Variants in EBF1 observed in about 807,000 individuals in gnomAD.
The protein encoded by EBF1 is EBF transcription factor 1, also known as transcription factor COE1.
In EBF1, 10 loss-of-function variants were observed where a neutral mutation model predicts 68.4. The observed-to-expected ratio is 0.15, with a 90% confidence interval of 0.09 to 0.25. EBF1 has a LOEUF of 0.25. Ranked by LOEUF, EBF1 falls within the 10% of genes least tolerant of loss-of-function variation. The pLI, the probability that EBF1 is intolerant of heterozygous loss-of-function variation, is 1.00. For synonymous variants in EBF1, 298 were observed against 299.8 expected (o/e 0.99, Z 0.06); for missense variants, 509 against 794.4 (o/e 0.64, Z 4.32).
At chr5:159,052,211 A>G (rs1773877051) in intron 6 of EBF1, among the ~76,000 whole-genome samples, 1 of 152,104 alleles carries the variant, frequency 6.6e-6, no homozygotes, top group Admixed American at 6.6e-5. Context: ...ATTCCACCAA[A>G]AAAAAAAGAC....
chr5:158,895,202 T>A (rs756858910), intron 6 of EBF1, among the ~76,000 whole-genome samples: 3 of 152,120 alleles, frequency 2.0e-5, no homozygotes, highest in Non-Finnish European at 4.4e-5. Context: ...CCAGCACTAT[T>A]CATTGAGCAT....
intron 11 of EBF1, among the ~76,000 whole-genome samples, chr5:158,714,688 G>A (rs1176596934): frequency 6.6e-6 from 1 of 152,118 alleles, no homozygotes; most frequent in Admixed American, 6.5e-5. Flanking sequence ...CATAATATAA[G>A]AGGGTGATGT....
chr5:158,925,433 C>A (rs539991575), intron 6 of EBF1, among the ~76,000 whole-genome samples: 39 of 152,178 alleles, frequency 2.6e-4, no homozygotes, highest in Non-Finnish European at 4.3e-4. Context: ...TGGAAGATTT[C>A]CTGGCCTCCC....
chr5:158,831,698 C>T (rs890248780), intron 7 of EBF1, among the ~76,000 whole-genome samples: 54 of 152,102 alleles, frequency 3.6e-4, no homozygotes, highest in Admixed American at 1.9e-3. Context: ...AATGGGGTTT[C>T]GCCATGTTGG....
intron 6 of EBF1, among the ~76,000 whole-genome samples, chr5:158,841,702 C>T (rs1270403383): frequency 6.6e-6 from 1 of 152,180 alleles, no homozygotes; most frequent in Non-Finnish European, 1.5e-5. Flanking sequence ...CGAAGACATA[C>T]AGAGTTCAGC....
Position 158,714,164 on chromosome 5 carries a change from C to A in EBF1, c.1144G>T (p.Ala382Ser), listed in dbSNP as rs759953915. ...TACAGTGCTTCTACCAGATCCGCAGCCCTTTTGAGTATTACTTCCTGTCAA... is the reference window on the plus strand; with the variant it reads ...TACAGTGCTTCTACCAGATCCGCAGACCTTTTGAGTATTACTTCCTGTCAA... Reference protein sequence around the residue: ...RLPKEVILKRAADLVEALYGM... With the variant: ...RLPKEVILKRSADLVEALYGM... Residue 382 changes from alanine to serine, a missense_variant, in exon 12 of 16, where the codon GCT (alanine) becomes TCT (serine). Physicochemically the swap from Ala to Ser is moderately conservative, Grantham distance 99. Coordinates refer to ENST00000313708, the MANE Select transcript of EBF1 (RefSeq NM_024007.5). 1.2e-6 allele frequency: 2 copies of A among 1,614,230 alleles called. No homozygotes were observed. Among genetic ancestry groups the A allele is most frequent in the Non-Finnish European group, 1.7e-6 (2 of 1,180,042 alleles).
Position 158,708,313 on chromosome 5 carries a change from G to A in EBF1, c.1550-140C>T, listed in dbSNP as rs573583082. Reference sequence around the variant, plus strand: ...TCCAGCACAAACCTTCCCTGAATTCGCAGGCTCTCATCCACTTTCACTATA... The same window carrying A: ...TCCAGCACAAACCTTCCCTGAATTCACAGGCTCTCATCCACTTTCACTATA... On this transcript the variant is annotated intron_variant, in intron 14 of 15. Transcript: ENST00000313708. 483 of 806,216 alleles carry A rather than the reference G, an allele frequency of 6.0e-4. 1 individual carries two copies. Among genetic ancestry groups the A allele is most frequent in the East Asian group, 2.7e-3 (100 of 37,044 alleles). The allele number at this position is 806,216 out of a possible 1,614,324, so 49.9% of individuals were successfully genotyped here.
chr5:158,781,484 T>A (rs1194285545), intron 9 of EBF1, among the ~76,000 whole-genome samples: 1 of 152,156 alleles, frequency 6.6e-6, no homozygotes, highest in Non-Finnish European at 1.5e-5. Flanking sequence ...GCATCAAATT[T>A]TATTAGCAAC....
At chr5:159,065,545 A>G (rs1180773909) in intron 6 of EBF1, among the ~76,000 whole-genome samples, 1 of 152,216 alleles carries the variant, frequency 6.6e-6, no homozygotes, top group Non-Finnish European at 1.5e-5. Flanking sequence ...CACACCCTAC[A>G]GAAGGGCTCT....
At chr5:158,731,800 C>T (rs547338462) in intron 10 of EBF1, among the ~76,000 whole-genome samples, 1 of 152,320 alleles carries the variant, frequency 6.6e-6, no homozygotes, top group South Asian at 2.1e-4. Context: ...TTGGGACCAG[C>T]ATCTGTGAAG....
At chr5:158,801,065 C>G (rs1022659096) in intron 8 of EBF1, among the ~76,000 whole-genome samples, 2 of 151,994 alleles carry the variant, frequency 1.3e-5, no homozygotes. Context: ...TGGGGTTTGC[C>G]TCTTTTTTTA....
At chr5:158,837,668 G>C (rs1267522431) in intron 7 of EBF1, among the ~76,000 whole-genome samples, 2 of 152,112 alleles carry the variant, frequency 1.3e-5, no homozygotes, top group Non-Finnish European at 2.9e-5. Context: ...TTGTATAACA[G>C]GTATATTTCT....
chr5:158,749,744 C>T (rs185740909), intron 10 of EBF1, among the ~76,000 whole-genome samples: 46 of 152,182 alleles, frequency 3.0e-4, no homozygotes, highest in Admixed American at 1.7e-3. Context: ...TTCTTTTACA[C>T]GGCAGGAATA....
chr5:158,962,228 A>G (rs1268600055), intron 6 of EBF1, among the ~76,000 whole-genome samples: 2 of 152,182 alleles, frequency 1.3e-5, no homozygotes, highest in African/African-American at 4.8e-5. Flanking sequence ...TGTTTTGAAA[A>G]TAAAATAGGC....
chr5:158,772,536 C>T (rs1365928081), intron 10 of EBF1, among the ~76,000 whole-genome samples: 1 of 152,166 alleles, frequency 6.6e-6, no homozygotes, highest in African/African-American at 2.4e-5. Flanking sequence ...CTGTGTGATG[C>T]ATTCCTGCAA....
chr5:158,783,691 T>G (rs901888353), intron 9 of EBF1, among the ~76,000 whole-genome samples: 2 of 152,284 alleles, frequency 1.3e-5, no homozygotes, highest in South Asian at 2.1e-4. Context: ...AGGCGAGATA[T>G]GCCCACTGTG....
chr5:158,947,130 G>A (rs1814927666), intron 6 of EBF1, among the ~76,000 whole-genome samples: 1 of 152,190 alleles, frequency 6.6e-6, no homozygotes, highest in African/African-American at 2.4e-5. Context: ...GGCTCCATGG[G>A]GGTGGGATCC....
intron 6 of EBF1, among the ~76,000 whole-genome samples, chr5:158,975,274 C>T (rs922967837): frequency 6.6e-6 from 1 of 152,124 alleles, no homozygotes; most frequent in African/African-American, 2.4e-5. Context: ...CCCCACTCCC[C>T]CCAAAAAATA....
At chr5:159,054,931 C>T (rs376820574) in intron 6 of EBF1, among the ~76,000 whole-genome samples, 7 of 152,296 alleles carry the variant, frequency 4.6e-5, no homozygotes, top group African/African-American at 1.4e-4. Flanking sequence ...ATCCCTTCCC[C>T]ATCTTGCCCA....
Sources: gnomAD v4.1 joint callset for allele counts (sites outside exome capture counted in the v4.1 genomes callset) on GRCh38, gnomAD v4.1.1 for gene constraint, MANE v1.5 for transcripts, NCBI Gene and HGNC (gene_info 2026-07-23, HGNC 2026-07-21) for gene names.